The following TMEM163 variants were observed in gnomAD, a reference collection of about 807,000 sequenced individuals.
TMEM163 encodes the protein transmembrane protein 163.
TMEM163 carries 17 observed loss-of-function variants against 29.3 expected under a neutral mutation model. The ratio of observed to expected loss-of-function variants is 0.58; its 90% confidence interval spans 0.40 to 0.87. The LOEUF (loss-of-function observed/expected upper bound fraction) is 0.87, where lower values mean the gene tolerates loss of function less well. Ranked by LOEUF, TMEM163 falls within the 40% of genes least tolerant of loss-of-function variation. The probability of loss-of-function intolerance (pLI) is 0.00; values close to 1 mark genes in which losing one functional copy is unlikely to be tolerated. For missense variants in TMEM163, 303 were observed against 381.5 expected (o/e 0.79, Z 1.71); for synonymous variants, 157 against 160.6 (o/e 0.98, Z 0.17).
chr2:134,555,188 A>G (rs981523898), intron 2 of TMEM163, among the ~76,000 whole-genome samples: 2 of 152,220 alleles, frequency 1.3e-5, no homozygotes, highest in Admixed American at 6.5e-5. Context: ...TATTTGTCTC[A>G]TAACTCACCA....
intron 2 of TMEM163, among the ~76,000 whole-genome samples, chr2:134,552,656 CTTTTTTTTT>C (rs35785546): frequency 1.8e-5 from 2 of 113,530 alleles, no homozygotes; most frequent in Non-Finnish European, 3.5e-5. Context: ...TATTTTGATC[CTTTTTTTTT>C]TTTTTTTTTT....
intron 4 of TMEM163, among the ~76,000 whole-genome samples, chr2:134,536,181 G>A (rs1252319636): frequency 1.3e-5 from 2 of 152,140 alleles, no homozygotes; most frequent in Admixed American, 1.3e-4. Context: ...ATAAGGAAAT[G>A]GAAGCAAAGG....
chr2:134,510,453 G>A (rs1679922352), intron 4 of TMEM163, among the ~76,000 whole-genome samples: 1 of 152,150 alleles, frequency 6.6e-6, no homozygotes, highest in Non-Finnish European at 1.5e-5. Flanking sequence ...GATTGGGAAG[G>A]CTGAAGGGTA....
At position 134,456,281 on chromosome 2, in the gene TMEM163, G is replaced by C; in HGVS notation, c.*435C>G. On this transcript the variant is annotated 3_prime_UTR_variant, in exon 8 of 8. Coordinates refer to ENST00000281924, the MANE Select transcript of TMEM163 (RefSeq NM_030923.5). ...TGATTCTGGGTATGTAAAGGGTGAG[G>C]GGTACAATCTTCCCTTAAGACCTGC... The C allele has an allele frequency of 6.0e-6, 1 of 165,428 alleles. No individual in the cohort carries two copies. The allele number at this position is 165,428 out of a possible 1,614,324, so 10.2% of individuals were successfully genotyped here. A position where few individuals can be genotyped will look rare whatever the true frequency, so the allele number is the denominator to read the frequency against.
At chr2:134,680,980 A>C (rs1420235762) in intron 2 of TMEM163, among the ~76,000 whole-genome samples, 3 of 152,226 alleles carry the variant, frequency 2.0e-5, no homozygotes, top group Non-Finnish European at 4.4e-5. Context: ...ATTGGAATAA[A>C]AGTAGTTCAA....
At chr2:134,489,941 A>C (rs923676087) in intron 5 of TMEM163, among the ~76,000 whole-genome samples, 1 of 152,222 alleles carries the variant, frequency 6.6e-6, no homozygotes, top group Non-Finnish European at 1.5e-5. Context: ...CCCTTTCCTA[A>C]GTGCAGTACC....
intron 2 of TMEM163, among the ~76,000 whole-genome samples, chr2:134,617,383 G>A (rs1245979690): frequency 6.6e-6 from 1 of 152,080 alleles, no homozygotes; most frequent in Non-Finnish European, 1.5e-5. Context: ...GGCCGAGGCG[G>A]GCAGATTACC....
intron 4 of TMEM163, among the ~76,000 whole-genome samples, chr2:134,522,866 A>G (rs956328751): frequency 9.2e-5 from 14 of 152,056 alleles, no homozygotes; most frequent in African/African-American, 2.7e-4. Context: ...GGGCGGGGGG[A>G]AAAAGATCGA....
At chr2:134,509,769 G>A (rs1366503829) in intron 4 of TMEM163, among the ~76,000 whole-genome samples, 1 of 152,240 alleles carries the variant, frequency 6.6e-6, no homozygotes, top group Non-Finnish European at 1.5e-5. Context: ...GGAATAAAAT[G>A]AAGACAGAAC....
rs560216900 is a variant in TMEM163 at position 134,712,143 on chromosome 2, G to A, written c.322+1057C>T. Reference sequence around the variant, plus strand: ...GCCCTCCACTTCTAAATGTTTGGCTGTTTTAGAGCCAAGATGTGGTATAGT... The same window carrying A: ...GCCCTCCACTTCTAAATGTTTGGCTATTTTAGAGCCAAGATGTGGTATAGT... On this transcript the variant is annotated intron_variant, in intron 2 of 7. Coordinates refer to ENST00000281924, the MANE Select transcript of TMEM163 (RefSeq NM_030923.5). Among the ~76,000 whole-genome samples the A allele has an allele frequency of 2.6e-5, 4 of 152,324 alleles. No individual in the cohort carries two copies. The South Asian group carries it at 8.3e-4, about 32-fold the overall frequency.
intron 2 of TMEM163, among the ~76,000 whole-genome samples, chr2:134,587,077 A>G (rs1242662211): frequency 6.6e-6 from 1 of 151,458 alleles, no homozygotes; most frequent in Non-Finnish European, 1.5e-5. Flanking sequence ...TGAAAAAAAA[A>G]TGGCTTAAAT....
At chr2:134,549,118 ACT>A (rs1680852593) in intron 4 of TMEM163, among the ~76,000 whole-genome samples, 1 of 151,220 alleles carries the variant, frequency 6.6e-6, no homozygotes, top group African/African-American at 2.4e-5. Flanking sequence ...AAAAAAAAAA[ACT>A]AATGCCCATT....
intron 4 of TMEM163, among the ~76,000 whole-genome samples, chr2:134,543,349 C>T (rs12464492): frequency 0.13 from 19,109 of 152,182 alleles, 2,658 homozygotes; most frequent in African/African-American, 0.34. Context: ...CATCAGCCAT[C>T]GAGGGCATCT....
At position 134,568,612 on chromosome 2, in the gene TMEM163, G is replaced by A. The variant is rs180829274; in HGVS notation, c.323-16521C>T. Among the ~76,000 whole-genome samples, 102 of 116,042 alleles carry A rather than the reference G, an allele frequency of 8.8e-4. 2 individuals carry two copies. Among genetic ancestry groups the A allele is most frequent in the Middle Eastern group, 9.8e-3 (2 of 204 alleles). 76.1% of individuals were successfully genotyped at this position (116,042 alleles called of 152,430 possible). A position where few individuals can be genotyped will look rare whatever the true frequency, so the allele number is the denominator to read the frequency against. On this transcript the variant is annotated intron_variant, in intron 2 of 7. Transcript: ENST00000281924. The stretch of plus-strand genomic sequence containing the variant: ...GGAAAAGAAAAAGGAAAGAAAGAAG[G>A]AAAAGAAAGAAAAAAGAAAGAAGAA...
intron 2 of TMEM163, among the ~76,000 whole-genome samples, chr2:134,669,035 G>A (rs1683933666): frequency 6.6e-6 from 1 of 152,126 alleles, no homozygotes; most frequent in African/African-American, 2.4e-5. Context: ...GCGCCCCGTG[G>A]CCACATCCTC....
intron 4 of TMEM163, among the ~76,000 whole-genome samples, chr2:134,503,308 T>C (rs1679741637): frequency 6.6e-6 from 1 of 152,200 alleles, no homozygotes; most frequent in Admixed American, 6.5e-5. Flanking sequence ...GCCTGGCAAA[T>C]GTGATGTTTC....
At chr2:134,566,390 C>T (rs566204643) in intron 2 of TMEM163, among the ~76,000 whole-genome samples, 2 of 152,128 alleles carry the variant, frequency 1.3e-5, no homozygotes, top group African/African-American at 2.4e-5. Context: ...GGTGAAACCC[C>T]GTCTCTACTA....
chr2:134,682,382 G>T (rs928802267), intron 2 of TMEM163, among the ~76,000 whole-genome samples: 1 of 152,148 alleles, frequency 6.6e-6, no homozygotes, highest in Non-Finnish European at 1.5e-5. Context: ...AGCTTATTTT[G>T]CAGGGTCAAA....
intron 2 of TMEM163, among the ~76,000 whole-genome samples, chr2:134,638,397 G>A (rs774705617): frequency 2.7e-4 from 41 of 152,160 alleles, no homozygotes; most frequent in Non-Finnish European, 5.0e-4. Flanking sequence ...CAATCAAAGG[G>A]CATGCATCAT....
Sources: gnomAD v4.1 joint callset for allele counts (sites outside exome capture counted in the v4.1 genomes callset) on GRCh38, gnomAD v4.1.1 for gene constraint, MANE v1.5 for transcripts, NCBI Gene and HGNC (gene_info 2026-07-23, HGNC 2026-07-21) for gene names.